The following TNRC6B variants were observed in gnomAD, a reference collection of about 807,000 sequenced individuals.
TNRC6B encodes the protein trinucleotide repeat containing adaptor 6B, also known as trinucleotide repeat-containing gene 6B protein.
TNRC6B carries 52 observed loss-of-function variants against 203.6 expected under a neutral mutation model. That is an observed-to-expected ratio of 0.26 (90% CI 0.20 to 0.32). The LOEUF is 0.32. Ranked by LOEUF, TNRC6B falls within the 10% of genes least tolerant of loss-of-function variation. TNRC6B has a pLI of 1.00. For synonymous variants in TNRC6B, 838 were observed against 845.7 expected, an observed-to-expected ratio of 0.99 and a Z score of 0.16; for missense variants, 1,923 against 2,286.2, an observed-to-expected ratio of 0.84 and a Z score of 3.24.
At chr22:40,312,458 T>C in intron 17 of TNRC6B, 47 bp from the exon 18 acceptor site, 2 of 1,572,968 alleles carry the variant, frequency 1.3e-6, no homozygotes, top group Non-Finnish European at 1.7e-6. Context: ...CTATATCATT[T>C]TTTTTTAACG....
chr22:40,314,489 T>C (rs745421860), intron 19 of TNRC6B, among the ~76,000 whole-genome samples: 2 of 152,206 alleles, frequency 1.3e-5, no homozygotes, highest in South Asian at 2.1e-4. Flanking sequence ...TCAACCAAAA[T>C]TGGGGGGGAA....
rs2070655504 is a variant in TNRC6B at position 40,277,159 on chromosome 22, T to A, written c.3216+8T>A. On this transcript the variant is annotated splice_region_variant and intron_variant, in intron 8 of 22. Coordinates refer to ENST00000454349, the MANE Select transcript of TNRC6B (RefSeq NM_001162501.2). ...TCAAATATGGGATTGCTGGTAAGTT[T>A]TATTTTTTTCAAATGTATAACGTAT... 6.2e-7 allele frequency: 1 copy of A among 1,600,948 alleles called. No individual in the cohort carries two copies. Among genetic ancestry groups the A allele is most frequent in the Admixed American group, 1.7e-5 (1 of 57,520 alleles).
chr22:40,093,937 A>G (rs951917038), intron 1 of TNRC6B, among the ~76,000 whole-genome samples: 3 of 150,876 alleles, frequency 2.0e-5, no homozygotes, highest in Non-Finnish European at 4.4e-5. Flanking sequence ...GTATATTTCA[A>G]AATAACTGGA....
chr22:40,157,147 T>C (rs1244203616), intron 4 of TNRC6B, among the ~76,000 whole-genome samples: 1 of 152,124 alleles, frequency 6.6e-6, no homozygotes, highest in Non-Finnish European at 1.5e-5. Context: ...GTGAATTTTT[T>C]TCCTCTCTCC....
At chr22:40,090,991 T>A (rs964996733) in intron 1 of TNRC6B, among the ~76,000 whole-genome samples, 1 of 152,196 alleles carries the variant, frequency 6.6e-6, no homozygotes, top group Non-Finnish European at 1.5e-5. Flanking sequence ...AAGTTTTTTT[T>A]ATTTTTTTGA....
intron 1 of TNRC6B, among the ~76,000 whole-genome samples, chr22:40,231,117 G>T (rs1308220998): frequency 6.6e-6 from 1 of 151,758 alleles, no homozygotes; most frequent in East Asian, 1.9e-4. Context: ...TTTGTCTATA[G>T]AAAAATAAGA....
At chr22:40,237,507 C>T (rs1043808053) in intron 1 of TNRC6B, among the ~76,000 whole-genome samples, 1 of 152,158 alleles carries the variant, frequency 6.6e-6, no homozygotes, top group African/African-American at 2.4e-5. Flanking sequence ...CTTGCAGCCA[C>T]GGTGCCCAGT....
intron 12 of TNRC6B, 25 bp from the exon 13 acceptor site, chr22:40,300,430 C>G (rs754602140): frequency 1.3e-6 from 2 of 1,513,708 alleles, no homozygotes; most frequent in Non-Finnish European, 1.8e-6. Context: ...CTTTTCTTTT[C>G]TTTCTTTTTT....
At chr22:40,252,580 G>A (rs1418657030) in intron 3 of TNRC6B, among the ~76,000 whole-genome samples, 1 of 152,186 alleles carries the variant, frequency 6.6e-6, no homozygotes, top group Non-Finnish European at 1.5e-5. Flanking sequence ...CTAACCAAAA[G>A]ACATTTCAAA....
At chr22:40,101,585 G>A (rs1034427369) in intron 1 of TNRC6B, among the ~76,000 whole-genome samples, 1 of 151,954 alleles carries the variant, frequency 6.6e-6, no homozygotes, top group African/African-American at 2.4e-5. Flanking sequence ...ATAGCCTCCT[G>A]ACTCAAATTA....
intron 12 of TNRC6B, among the ~76,000 whole-genome samples, chr22:40,295,574 ACT>A (rs1467642093): frequency 6.6e-6 from 1 of 152,094 alleles, no homozygotes; most frequent in African/African-American, 2.4e-5. Flanking sequence ...GAGGAATTTA[ACT>A]CTGACCGTGA....
At chr22:40,248,077 GAA>G (rs754161621) in intron 2 of TNRC6B, among the ~76,000 whole-genome samples, 3 of 132,038 alleles carry the variant, frequency 2.3e-5, no homozygotes, top group Non-Finnish European at 4.9e-5. Context: ...CTTGTGTCTA[GAA>G]AAAAAAAAAA....
chr22:40,208,904 G>T (rs1256915466), intron 1 of TNRC6B, among the ~76,000 whole-genome samples: 1 of 152,228 alleles, frequency 6.6e-6, no homozygotes, highest in African/African-American at 2.4e-5. Context: ...AGTGATCCTT[G>T]TTTGTCCCAT....
chr22:40,232,084 TAG>T (rs2069879309), intron 1 of TNRC6B, among the ~76,000 whole-genome samples: 1 of 152,150 alleles, frequency 6.6e-6, no homozygotes, highest in Non-Finnish European at 1.5e-5. Flanking sequence ...ACGGTATTAA[TAG>T]AGATACATAA....
intron 1 of TNRC6B, among the ~76,000 whole-genome samples, chr22:40,211,695 C>T (rs995143152): frequency 2.6e-5 from 4 of 152,138 alleles, no homozygotes; most frequent in African/African-American, 9.7e-5. Flanking sequence ...TAGAGCCAGC[C>T]GTCCCAGAAC....
intron 1 of TNRC6B, among the ~76,000 whole-genome samples, chr22:40,195,421 A>T (rs183248273): frequency 4.6e-4 from 70 of 152,174 alleles, no homozygotes; most frequent in Middle Eastern, 3.4e-3. Context: ...GCTCTGCTTG[A>T]TTCACTATTA....
At chr22:40,207,317 A>C (rs2069491960) in intron 1 of TNRC6B, among the ~76,000 whole-genome samples, 1 of 150,900 alleles carries the variant, frequency 6.6e-6, no homozygotes, top group Non-Finnish European at 1.5e-5. Context: ...CTGAGGCAGG[A>C]GGACTGCCTG....
chr22:40,121,294 C>T (rs1402701201), intron 2 of TNRC6B, among the ~76,000 whole-genome samples: 1 of 151,322 alleles, frequency 6.6e-6, no homozygotes, highest in Non-Finnish European at 1.5e-5. Context: ...TTTCATTTTC[C>T]TTTTGAATCA....
At chr22:40,120,484 C>T (rs2068433961) in intron 2 of TNRC6B, among the ~76,000 whole-genome samples, 1 of 151,942 alleles carries the variant, frequency 6.6e-6, no homozygotes, top group African/African-American at 2.4e-5. Flanking sequence ...GATTTGCCTG[C>T]GTGAATGCAG....
Sources: gnomAD v4.1 joint callset for allele counts (sites outside exome capture counted in the v4.1 genomes callset) on GRCh38, gnomAD v4.1.1 for gene constraint, MANE v1.5 for transcripts, NCBI Gene and HGNC (gene_info 2026-07-23, HGNC 2026-07-21) for gene names.